XRCC5: variants seen among roughly 807,000 people sequenced by gnomAD.
XRCC5 encodes DNA repair protein Ku80.
In XRCC5, 12 loss-of-function variants were observed where a neutral mutation model predicts 95.7. That is an observed-to-expected ratio of 0.13 (90% confidence interval 0.08 to 0.20). The LOEUF is 0.20. Ranked by LOEUF, XRCC5 falls within the 10% of genes least tolerant of loss-of-function variation. The probability of loss-of-function intolerance (pLI) is 1.00; values close to 1 mark genes in which losing one functional copy is unlikely to be tolerated. For missense variants in XRCC5, 595 were observed against 873.9 expected, an observed-to-expected ratio of 0.68 and a Z score of 4.02; for synonymous variants, 281 against 290.3, an observed-to-expected ratio of 0.97 and a Z score of 0.33.
intron 16 of XRCC5, among the ~76,000 whole-genome samples, chr2:216,165,745 T>A (rs1025022891): frequency 1.3e-5 from 2 of 152,192 alleles, no homozygotes; most frequent in Non-Finnish European, 2.9e-5. Flanking sequence ...AAAAGGGCGA[T>A]CAGCGATAGA....
At chr2:216,132,451 G>C in intron 10 of XRCC5, 64 bp downstream of exon 10, 1 of 1,507,248 alleles carries the variant, frequency 6.6e-7, no homozygotes, top group Non-Finnish European at 9.2e-7. Context: ...ATGAAAGCAA[G>C]TTGTTTGGGG....
At chr2:216,184,032 C>CTGTG (rs3221952) in intron 16 of XRCC5, among the ~76,000 whole-genome samples, 6,838 of 145,596 alleles carry the variant, frequency 0.047, 224 homozygotes, top group African/African-American at 0.089. Flanking sequence ...TAAGTCAGCA[C>CTGTG]TGTGTGTGTG....
At chr2:216,133,042 TG>T (rs143090119) in intron 10 of XRCC5, among the ~76,000 whole-genome samples, 99 of 152,256 alleles carry the variant, frequency 6.5e-4, no homozygotes, top group African/African-American at 2.4e-3. Context: ...GTAGAAGGCT[TG>T]TTTGGGGTGG....
At chr2:216,150,641 A>G (rs556985357) in intron 14 of XRCC5, among the ~76,000 whole-genome samples, 9 of 152,248 alleles carry the variant, frequency 5.9e-5, no homozygotes, top group East Asian at 1.9e-4. Context: ...ATAGATGCCT[A>G]GGGAGGCTGA....
At chr2:216,198,533 T>TTTTA (rs3080564) in intron 19 of XRCC5, among the ~76,000 whole-genome samples, 24,521 of 147,728 alleles carry the variant, frequency 0.17, 2,155 homozygotes, top group Non-Finnish European at 0.2. Flanking sequence ...TGAAAAATGC[T>TTTTA]TTTATTTATT....
chr2:216,130,438 A>G (rs1370947107), intron 8 of XRCC5, among the ~76,000 whole-genome samples: 3 of 151,942 alleles, frequency 2.0e-5, no homozygotes, highest in Non-Finnish European at 4.4e-5. Context: ...GTTTTTGAGA[A>G]CATTTTGTTC....
intron 18 of XRCC5, among the ~76,000 whole-genome samples, chr2:216,194,565 T>G (rs756195677): frequency 2.0e-4 from 31 of 152,356 alleles, no homozygotes; most frequent in Non-Finnish European, 2.4e-4. Context: ...CCTTTATTGC[T>G]TATTACACAG....
At chr2:216,131,209 A>G in intron 9 of XRCC5, 1 of 985,438 alleles carries the variant, frequency 1.0e-6, no homozygotes, top group African/African-American at 1.7e-5. Context: ...CTAAAAATAC[A>G]GGATGGTTTT....
intron 19 of XRCC5, among the ~76,000 whole-genome samples, chr2:216,199,174 A>G (rs776935326): frequency 2.6e-5 from 4 of 152,266 alleles, no homozygotes; most frequent in Non-Finnish European, 5.9e-5. Flanking sequence ...CAGTCTATTT[A>G]AATTCTTTTG....
At chr2:216,129,232 G>A (rs956037362) in intron 8 of XRCC5, among the ~76,000 whole-genome samples, 1 of 152,170 alleles carries the variant, frequency 6.6e-6, no homozygotes, top group Non-Finnish European at 1.5e-5. Flanking sequence ...CAATGGAGAG[G>A]GAAGAGTTAA....
chr2:216,180,141 T>A (rs1689356518), intron 16 of XRCC5, among the ~76,000 whole-genome samples: 1 of 152,140 alleles, frequency 6.6e-6, no homozygotes, highest in Admixed American at 6.5e-5. Flanking sequence ...TATGTATAAA[T>A]CGTGGAGAAG....
chr2:216,136,321 A>C (rs1220876956), intron 10 of XRCC5, among the ~76,000 whole-genome samples: 1 of 150,240 alleles, frequency 6.7e-6, no homozygotes, highest in East Asian at 2.0e-4. Context: ...ACGCCATTGC[A>C]TTCCAGCCTG....
intron 16 of XRCC5, among the ~76,000 whole-genome samples, chr2:216,169,306 T>A (rs1041709596): frequency 2.0e-5 from 3 of 152,276 alleles, no homozygotes; most frequent in Admixed American, 2.0e-4. Flanking sequence ...ATTTAAATAT[T>A]ACAGTTAGAC....
In XRCC5 at chr2:216,179,807, G is replaced by A. The variant is rs142521689; in HGVS notation, c.1835-10418G>A. ...TCTCTGAGTGAAATGTGAAACCATTGAAGAGTTTGAAGTAGCGAATGATCT... is the reference window on the plus strand; with the variant it reads ...TCTCTGAGTGAAATGTGAAACCATTAAAGAGTTTGAAGTAGCGAATGATCT... On this transcript the variant is annotated intron_variant, in intron 16 of 20. Coordinates refer to ENST00000392132, the MANE Select transcript of XRCC5 (RefSeq NM_021141.4). 9.5e-3 allele frequency among the ~76,000 whole-genome samples: 1,445 copies of A among 152,306 alleles called. 15 individuals are homozygous for A. The highest frequency in any genetic ancestry group is 0.026 in the South Asian group (124 of 4,824).
rs1258491985 is a variant in XRCC5, at chr2:216,172,464, C to CTTTCCTTTTTTTTT, written c.1834+10419_1834+10420insCCTTTTTTTTTTTT. ...CATGGAAACTTTAGCATCAGCTTTTCTTTTCTTTTTTTTTTTTTTTTTGAG... is the reference window on the plus strand; with the variant it reads ...CATGGAAACTTTAGCATCAGCTTTTCTTTCCTTTTTTTTTTTTTCTTTTTTTTTTTTTTTTTGAG... On this transcript the variant is annotated intron_variant, in intron 16 of 20. Transcript: ENST00000392132. 7.1e-5 allele frequency among the ~76,000 whole-genome samples: 5 copies of CTTTCCTTTTTTTTT among 70,332 alleles called. 1 individual carries two copies. The highest frequency in any genetic ancestry group is 3.2e-4 in the African/African-American group (5 of 15,436). 46.1% of individuals were successfully genotyped at this position (70,332 alleles called of 152,430 possible).
intron 19 of XRCC5, among the ~76,000 whole-genome samples, chr2:216,195,196 C>CA (rs1329067904): frequency 6.6e-6 from 1 of 152,146 alleles, no homozygotes; most frequent in Non-Finnish European, 1.5e-5. Flanking sequence ...TTCTGGAACT[C>CA]ACCTGTAATC....
intron 6 of XRCC5, among the ~76,000 whole-genome samples, chr2:216,123,850 A>G (rs1696860901): frequency 1.3e-5 from 2 of 152,198 alleles, no homozygotes. Context: ...TACTCTTTAA[A>G]AAGTGTTTTT....
At chr2:216,181,389 C>G (rs926284175) in intron 16 of XRCC5, among the ~76,000 whole-genome samples, 3 of 152,124 alleles carry the variant, frequency 2.0e-5, no homozygotes, top group African/African-American at 7.2e-5. Flanking sequence ...CCCATTCAGT[C>G]CCCCATTCAA....
chr2:216,171,795 C>T (rs568634768), intron 16 of XRCC5, among the ~76,000 whole-genome samples: 2 of 152,324 alleles, frequency 1.3e-5, no homozygotes, highest in Admixed American at 6.5e-5. Context: ...CATCTAGTTT[C>T]TCTCTTCTGT....
Sources: allele counts gnomAD v4.1 joint callset (sites outside exome capture counted in the v4.1 genomes callset), GRCh38; gene constraint gnomAD v4.1.1; transcripts MANE v1.5; gene names NCBI Gene and HGNC (gene_info 2026-07-23, HGNC 2026-07-21).